MS4A10: variants seen among roughly 807,000 people sequenced by gnomAD.
MS4A10 encodes the protein membrane-spanning 4-domains subfamily A member 10.
Under a neutral mutation model 27.7 loss-of-function variants are expected in MS4A10, and 27 were observed. That is an observed-to-expected ratio of 0.98 (90% CI 0.72 to 1.35). MS4A10 has a LOEUF of 1.35. Ranked by LOEUF, MS4A10 falls within the 40% of genes most tolerant of loss-of-function variation. The pLI is 0.00. For missense variants in MS4A10, 338 were observed against 324.7 expected, an observed-to-expected ratio of 1.04 and a Z score of -0.32; for synonymous variants, 139 against 131.2, an observed-to-expected ratio of 1.06 and a Z score of -0.41.
chr11:60,787,496 C>T (rs1273738452), intron 1 of MS4A10, among the ~76,000 whole-genome samples: 1 of 151,836 alleles, frequency 6.6e-6, no homozygotes, highest in Non-Finnish European at 1.5e-5. Context: ...CTTGTAGCGG[C>T]TCTCTATCCC....
At chr11:60,793,892 C>G (rs1258735272) in intron 4 of MS4A10, 80 bp from the exon 5 acceptor site, 1 of 1,512,326 alleles carries the variant, frequency 6.6e-7, no homozygotes, top group Admixed American at 1.8e-5. Context: ...ACAGAGGAAG[C>G]TACTGGCAAG....
Position 60,792,301 on chromosome 11 carries a change from A to T in MS4A10, c.340A>T (p.Thr114Ser). 1 of 1,612,976 alleles carries T rather than the reference A, an allele frequency of 6.2e-7. No homozygotes were observed. The highest frequency in any genetic ancestry group is 8.5e-7 in the Non-Finnish European group (1 of 1,179,026). The stretch of plus-strand genomic sequence containing the variant: ...AGGGATCTTGGCGATAACAATGAAG[A>T]CCTTTTCTAAAACTTACCTGGTGAG... ...ISGILAITMKTFSKTYLKMLC... is the reference protein window; with the variant it reads ...ISGILAITMKSFSKTYLKMLC... Residue 114 changes from threonine (T) to serine (S), a missense_variant, in exon 4 of 8, where the codon ACC becomes TCC. By Grantham distance (58) the Thr-to-Ser change is moderately conservative. Transcript: ENST00000308287.
chr11:60,795,448 C>A (rs1854511137), intron 5 of MS4A10, 107 bp from the exon 6 acceptor site: 1 of 590,832 alleles, frequency 1.7e-6, no homozygotes, highest in Non-Finnish European at 2.7e-6. Flanking sequence ...ACCCCACCTG[C>A]CCTCTGCTGT....
intron 4 of MS4A10, among the ~76,000 whole-genome samples, chr11:60,792,919 T>C (rs550640513): frequency 6.6e-6 from 1 of 152,302 alleles, no homozygotes; most frequent in Non-Finnish European, 1.5e-5. Flanking sequence ...GACTTACCTG[T>C]CTCTACTGTA....
rs374960907 is a variant in MS4A10 at position 60,790,477 on chromosome 11, G to A, written c.142G>A (p.Glu48Lys). 1.3e-5 allele frequency: 21 copies of A among 1,614,142 alleles called. No homozygotes were observed. The highest frequency in any genetic ancestry group is 6.6e-5 in the South Asian group (6 of 91,070). Residue 48 changes from glutamate to lysine, a missense_variant, in exon 2 of 8, where the codon GAG (glutamate) becomes AAG (lysine). Glu to Lys is a moderately conservative substitution (Grantham distance 56, BLOSUM62 1). Transcript: ENST00000308287. Reference protein sequence around the residue: ...QPKLLAPHQHEKSQKKSSLLK... With the variant: ...QPKLLAPHQHKKSQKKSSLLK... ...CAAGCTCCTGGCTCCACACCAGCAC[G>A]AGAAGTCCCAGAAGAAGAGCAGCCT... is the stretch of plus-strand genomic sequence containing the variant.
At chr11:60,787,744 G>A (rs995091863) in intron 1 of MS4A10, among the ~76,000 whole-genome samples, 6 of 152,288 alleles carry the variant, frequency 3.9e-5, no homozygotes, top group East Asian at 1.9e-4. Context: ...CCAGCCGGGC[G>A]CAGTGGCTCA....
At chr11:60,793,572 G>T (rs1464082734) in intron 4 of MS4A10, among the ~76,000 whole-genome samples, 1 of 152,198 alleles carries the variant, frequency 6.6e-6, no homozygotes, top group Non-Finnish European at 1.5e-5. Flanking sequence ...TGACCTTTCT[G>T]GTGGGGAAGG....
intron 1 of MS4A10, among the ~76,000 whole-genome samples, chr11:60,787,037 G>T (rs1854351899): frequency 6.6e-6 from 1 of 152,142 alleles, no homozygotes; most frequent in Non-Finnish European, 1.5e-5. Context: ...GGTTCTGGAG[G>T]GTCCTGCCCA....
Position 60,800,129 on chromosome 11 carries a change from T to G in MS4A10, c.*220T>G. ...GATATCTGTGGTGGCCCAGATTGTT[T>G]TGTTTTGTTTCGCTTTGTTTTGTTT... On this transcript the variant is annotated 3_prime_UTR_variant, in exon 8 of 8. Transcript: ENST00000308287. The G allele has an allele frequency of 1.6e-6, 1 of 622,974 alleles. No homozygotes were observed. The highest frequency in any genetic ancestry group is 2.7e-6 in the Non-Finnish European group (1 of 370,350). 38.6% of individuals were successfully genotyped at this position (622,974 alleles called of 1,614,324 possible). A position where few individuals can be genotyped will look rare whatever the true frequency, so the allele number is the denominator to read the frequency against.
intron 1 of MS4A10, among the ~76,000 whole-genome samples, chr11:60,788,535 G>A (rs1173084422): frequency 1.3e-5 from 2 of 152,204 alleles, no homozygotes; most frequent in Non-Finnish European, 2.9e-5. Context: ...CTCTGCCACC[G>A]AATACATCCC....
At chr11:60,791,653 C>T (rs188679363) in intron 3 of MS4A10, among the ~76,000 whole-genome samples, 77 of 152,392 alleles carry the variant, frequency 5.1e-4, no homozygotes, top group African/African-American at 1.6e-3. Flanking sequence ...TAAGTCCAAG[C>T]TCCACGGCAC....
chr11:60,790,251 C>T, intron 1 of MS4A10, 63 bp from the exon 2 acceptor site: 1 of 1,411,668 alleles, frequency 7.1e-7, no homozygotes, highest in Non-Finnish European at 9.8e-7. Context: ...TTGGCAGAGG[C>T]TCACCCAGGC....
At chr11:60,790,208 T>C in intron 1 of MS4A10, 106 bp from the exon 2 acceptor site, 1 of 957,770 alleles carries the variant, frequency 1.0e-6, no homozygotes, top group South Asian at 1.6e-5. Flanking sequence ...CAACCACAGT[T>C]CTGGAAAGAT....
At chr11:60,798,077 G>A (rs987395962) in intron 6 of MS4A10, among the ~76,000 whole-genome samples, 2 of 152,228 alleles carry the variant, frequency 1.3e-5, no homozygotes, top group African/African-American at 4.8e-5. Context: ...AGGGACTTGG[G>A]TCATGGCCCA....
intron 3 of MS4A10, among the ~76,000 whole-genome samples, chr11:60,792,015 C>A (rs1337922460): frequency 6.6e-6 from 1 of 152,162 alleles, no homozygotes; most frequent in Non-Finnish European, 1.5e-5. Flanking sequence ...GTGCAGGGCA[C>A]AGCTTGGTCC....
chr11:60,792,226 C>T, intron 3 of MS4A10, 39 bp from the exon 4 acceptor site: 1 of 1,574,910 alleles, frequency 6.3e-7, no homozygotes, highest in Non-Finnish European at 8.7e-7. Context: ...TTTGAGGAAC[C>T]CCAGCTTCTC....
At position 60,790,427 on chromosome 11, in the gene MS4A10, G is replaced by C. The variant is rs901179163; in HGVS notation, c.92G>C (p.Ser31Thr). The part of the protein sequence containing the change: ...VLSPVQPWQT[S>T]APQNTTQPKL... ...AGCCCAGTCCAGCCCTGGCAGACAA[G>C]TGCACCCCAGAACACGACCCAGCCC... is the stretch of plus-strand genomic sequence containing the variant. Residue 31 changes from serine (S) to threonine (T), a missense_variant, in exon 2 of 8, where the codon AGT becomes ACT. Ser to Thr is a moderately conservative substitution (Grantham distance 58, BLOSUM62 1). Coordinates refer to ENST00000308287, the MANE Select transcript of MS4A10 (RefSeq NM_206893.4). The C allele has an allele frequency of 6.2e-7, 1 of 1,614,204 alleles. No individual in the cohort carries two copies. The highest frequency in any genetic ancestry group is 1.7e-5 in the Admixed American group (1 of 60,028).
rs1307225244 is a variant in MS4A10 at position 60,792,337 on chromosome 11, G to A, written c.360+16G>A. The A allele has an allele frequency of 6.4e-7, 1 of 1,559,116 alleles. No individual in the cohort carries two copies. Among genetic ancestry groups the A allele is most frequent in the Non-Finnish European group, 8.9e-7 (1 of 1,129,864 alleles). On this transcript the variant is annotated intron_variant, in intron 4 of 7. Transcript: ENST00000308287. ...AACTTACCTGGTGAGTGGGCACACTGAGATCATTCTCTTCCATCTGAGCAT... is the reference window on the plus strand; with the variant it reads ...AACTTACCTGGTGAGTGGGCACACTAAGATCATTCTCTTCCATCTGAGCAT...
At chr11:60,787,164 C>T (rs1315305031) in intron 1 of MS4A10, among the ~76,000 whole-genome samples, 1 of 152,148 alleles carries the variant, frequency 6.6e-6, no homozygotes, top group East Asian at 1.9e-4. Flanking sequence ...CAGTGGGTTT[C>T]CCGTGGGATA....
Sources: allele counts gnomAD v4.1 joint callset (sites outside exome capture counted in the v4.1 genomes callset), GRCh38; gene constraint gnomAD v4.1.1; transcripts MANE v1.5; gene names NCBI Gene and HGNC (gene_info 2026-07-23, HGNC 2026-07-21).